Variants in CADPS2 observed in about 807,000 individuals in gnomAD.
The protein encoded by CADPS2 is calcium-dependent secretion activator 2.
In CADPS2, 93 loss-of-function variants were observed where a neutral mutation model predicts 172.5. That is an observed-to-expected ratio of 0.54 (90% CI 0.46 to 0.64). The LOEUF (loss-of-function observed/expected upper bound fraction) is 0.64, where lower values mean the gene tolerates loss of function less well. Ranked by LOEUF, CADPS2 falls within the 30% of genes least tolerant of loss-of-function variation. The pLI is 0.00. For missense variants in CADPS2, 1,420 were observed against 1,565.9 expected, an observed-to-expected ratio of 0.91 and a Z score of 1.57; for synonymous variants, 546 against 555.2, an observed-to-expected ratio of 0.98 and a Z score of 0.23.
intron 9 of CADPS2, among the ~76,000 whole-genome samples, chr7:122,501,485 C>T (rs2059194702): frequency 6.6e-6 from 1 of 151,886 alleles, no homozygotes; most frequent in Non-Finnish European, 1.5e-5. Context: ...AGGTCTGGGC[C>T]TTTGAGATTG....
intron 8 of CADPS2, among the ~76,000 whole-genome samples, chr7:122,519,574 T>G (rs2060623677): frequency 6.6e-6 from 1 of 152,012 alleles, no homozygotes; most frequent in Admixed American, 6.6e-5. Flanking sequence ...CTTGGGTTAT[T>G]TCAAACGGAG....
At chr7:122,390,411 CTG>C (rs983884357) in intron 22 of CADPS2, among the ~76,000 whole-genome samples, 1 of 152,052 alleles carries the variant, frequency 6.6e-6, no homozygotes, top group African/African-American at 2.4e-5. Flanking sequence ...TTAAGAATAA[CTG>C]AATACAATTG....
At chr7:122,759,932 TTAAAC>T (rs1352188949) in intron 1 of CADPS2, among the ~76,000 whole-genome samples, 1 of 151,902 alleles carries the variant, frequency 6.6e-6, no homozygotes, top group African/African-American at 2.4e-5. Context: ...ATATGAGTCT[TTAAAC>T]TAATTCAGTC....
intron 1 of CADPS2, among the ~76,000 whole-genome samples, chr7:122,799,325 C>T (rs1274353401): frequency 1.3e-5 from 2 of 152,122 alleles, no homozygotes; most frequent in South Asian, 2.1e-4. Context: ...TAGGGCTGGG[C>T]GCGGTGGCTC....
At chr7:122,457,704 ATTAC>A (rs2053956538) in intron 14 of CADPS2, among the ~76,000 whole-genome samples, 2 of 152,322 alleles carry the variant, frequency 1.3e-5, no homozygotes, top group South Asian at 4.1e-4. Context: ...CATCCGTTCT[ATTAC>A]TTAATGAAAA....
chr7:122,519,945 T>C (rs1365165544), intron 8 of CADPS2, among the ~76,000 whole-genome samples: 2 of 152,030 alleles, frequency 1.3e-5, no homozygotes, highest in African/African-American at 4.8e-5. Flanking sequence ...AAAAATCTTC[T>C]ATATCTGTAG....
chr7:122,814,762 C>T (rs967904299), intron 1 of CADPS2, among the ~76,000 whole-genome samples: 4 of 152,124 alleles, frequency 2.6e-5, no homozygotes, highest in East Asian at 3.9e-4. Context: ...AAATTGAATC[C>T]GTTGTTTTCA....
chr7:122,539,017 C>T (rs1370727920), intron 8 of CADPS2, among the ~76,000 whole-genome samples: 1 of 151,954 alleles, frequency 6.6e-6, no homozygotes, highest in African/African-American at 2.4e-5. Context: ...ATCTATAGCA[C>T]AAAACATCAA....
intron 17 of CADPS2, among the ~76,000 whole-genome samples, chr7:122,430,891 A>T (rs2049820128): frequency 6.6e-6 from 1 of 152,238 alleles, no homozygotes. Context: ...CCAATGGAAG[A>T]GAACTATGAT....
At chr7:122,729,945 C>G (rs1039831713) in intron 2 of CADPS2, among the ~76,000 whole-genome samples, 1 of 151,398 alleles carries the variant, frequency 6.6e-6, no homozygotes, top group Non-Finnish European at 1.5e-5. Context: ...AAACAGAATC[C>G]AAAGGAAATA....
intron 9 of CADPS2, among the ~76,000 whole-genome samples, chr7:122,492,767 A>G (rs1462593000): frequency 6.6e-6 from 1 of 152,014 alleles, no homozygotes; most frequent in Non-Finnish European, 1.5e-5. Flanking sequence ...TGGCACGATT[A>G]TGGCTCATTG....
At chr7:122,480,436 T>C (rs566856363) in intron 12 of CADPS2, among the ~76,000 whole-genome samples, 12 of 152,168 alleles carry the variant, frequency 7.9e-5, no homozygotes, top group Non-Finnish European at 1.3e-4. Context: ...ATAGAAGAAA[T>C]AAAGTAGCAA....
chr7:122,633,570 CATTT>C (rs2076780936), intron 3 of CADPS2, among the ~76,000 whole-genome samples: 1 of 152,082 alleles, frequency 6.6e-6, no homozygotes, highest in Non-Finnish European at 1.5e-5. Context: ...TTACTGAAGT[CATTT>C]ATCAGTTCGA....
chr7:122,557,001 T>A (rs28450014), intron 7 of CADPS2, among the ~76,000 whole-genome samples: 2,312 of 152,174 alleles, frequency 0.015, 61 homozygotes, highest in African/African-American at 0.052. Context: ...TAATTCCCTA[T>A]GTTATGTTCC....
intron 14 of CADPS2, among the ~76,000 whole-genome samples, chr7:122,454,704 G>T (rs912368077): frequency 3.3e-5 from 5 of 152,136 alleles, no homozygotes; most frequent in South Asian, 2.1e-4. Context: ...AGCCTTGAGA[G>T]AAATTTAAAC....
chr7:122,873,335 A>C (rs1464781254), intron 1 of CADPS2, among the ~76,000 whole-genome samples: 1 of 152,006 alleles, frequency 6.6e-6, no homozygotes, highest in Admixed American at 6.6e-5. Context: ...CCCCCAACCC[A>C]ATAGGCCCTG....
intron 25 of CADPS2, among the ~76,000 whole-genome samples, chr7:122,369,038 G>A (rs1463339654): frequency 6.7e-6 from 1 of 149,550 alleles, no homozygotes; most frequent in Admixed American, 6.8e-5. Context: ...GACATTTCTT[G>A]TACCCTTTCC....
intron 28 of CADPS2, chr7:122,328,627 C>T (rs1261283688): frequency 6.6e-6 from 1 of 152,130 alleles, no homozygotes; most frequent in Non-Finnish European, 1.5e-5. Flanking sequence ...ACCACTTTAG[C>T]AAAAATATGT....
At chr7:122,686,597 G>T (rs1038469735) in intron 2 of CADPS2, among the ~76,000 whole-genome samples, 3 of 152,182 alleles carry the variant, frequency 2.0e-5, no homozygotes, top group East Asian at 3.9e-4. Context: ...GTGATGCTGA[G>T]GCTGCTCGAA....
Sources: allele counts gnomAD v4.1 joint callset (sites outside exome capture counted in the v4.1 genomes callset), GRCh38; gene constraint gnomAD v4.1.1; transcripts MANE v1.5; gene names NCBI Gene and HGNC (gene_info 2026-07-23, HGNC 2026-07-21).